AK5: variants seen among roughly 807,000 people sequenced by gnomAD.
AK5 encodes adenylate kinase isoenzyme 5.
Under a neutral mutation model 69.5 loss-of-function variants are expected in AK5, and 27 were observed. The ratio of observed to expected loss-of-function variants is 0.39; its 90% confidence interval spans 0.29 to 0.54. The LOEUF (loss-of-function observed/expected upper bound fraction) is 0.54, where lower values mean the gene tolerates loss of function less well. Ranked by LOEUF, AK5 falls within the 20% of genes least tolerant of loss-of-function variation. The pLI is 0.71. For synonymous variants in AK5, 260 were observed against 244.4 expected (o/e 1.06, Z -0.60); for missense variants, 531 against 700.4 (o/e 0.76, Z 2.73).
At chr1:77,462,214 A>G (rs892227468) in intron 8 of AK5, among the ~76,000 whole-genome samples, 1 of 152,252 alleles carries the variant, frequency 6.6e-6, no homozygotes, top group African/African-American at 2.4e-5. Context: ...CACACAAGAA[A>G]GTGATCAAGC....
chr1:77,489,951 A>G (rs184772051), intron 10 of AK5, among the ~76,000 whole-genome samples: 23 of 152,242 alleles, frequency 1.5e-4, no homozygotes, highest in Non-Finnish European at 2.6e-4. Context: ...TCATGCCCCA[A>G]GGTCAGGGTT....
intron 13 of AK5, among the ~76,000 whole-genome samples, chr1:77,537,331 A>T (rs781759141): frequency 6.6e-6 from 1 of 152,080 alleles, no homozygotes; most frequent in Non-Finnish European, 1.5e-5. Flanking sequence ...GAGGGTTAAG[A>T]GATGGAGATG....
chr1:77,380,744 C>T (rs1026836171), intron 6 of AK5, among the ~76,000 whole-genome samples: 5 of 152,078 alleles, frequency 3.3e-5, no homozygotes, highest in African/African-American at 9.7e-5. Context: ...AGATGTGTGC[C>T]GCAGAGACAA....
intron 5 of AK5, among the ~76,000 whole-genome samples, chr1:77,323,789 T>G (rs1660651680): frequency 6.6e-6 from 1 of 152,238 alleles, no homozygotes; most frequent in Admixed American, 6.5e-5. Context: ...TACATACACG[T>G]GTGTGTAGAT....
intron 13 of AK5, among the ~76,000 whole-genome samples, chr1:77,547,305 CACTCTGTCACCA>C (rs1659594570): frequency 8.0e-6 from 1 of 124,820 alleles, no homozygotes; most frequent in Non-Finnish European, 1.6e-5. Context: ...GACAGAGTCT[CACTCTGTCACCA>C]GGCTGGAGTG....
intron 10 of AK5, among the ~76,000 whole-genome samples, chr1:77,501,774 A>G (rs1318803619): frequency 6.6e-6 from 1 of 152,206 alleles, no homozygotes; most frequent in Non-Finnish European, 1.5e-5. Flanking sequence ...GCTCAGGTCA[A>G]ACAAAATTAG....
intron 10 of AK5, among the ~76,000 whole-genome samples, chr1:77,499,483 G>A (rs1392711601): frequency 1.3e-5 from 2 of 152,156 alleles, no homozygotes; most frequent in Non-Finnish European, 2.9e-5. Flanking sequence ...CATCACCACC[G>A]GCCCAGCGAC....
chr1:77,307,097 T>A (rs2100278555), intron 5 of AK5, among the ~76,000 whole-genome samples: 1 of 152,122 alleles, frequency 6.6e-6, no homozygotes, highest in South Asian at 2.1e-4. Flanking sequence ...TCAGTTTCAT[T>A]TATTTCTGCT....
In AK5 at chr1:77,523,596, T is replaced by C. The variant is rs190881167; in HGVS notation, c.1428+1653T>C. 2.2e-3 allele frequency among the ~76,000 whole-genome samples: 334 copies of C among 152,364 alleles called. 1 individual carries two copies. Among genetic ancestry groups the C allele is most frequent in the Admixed American group, 4.0e-3 (61 of 15,302 alleles). ...AGTTCAAGGATGTTAAGTACATTCA[T>C]ATTGTTATGAAACCATCACCACCAT... On this transcript the variant is annotated intron_variant, in intron 12 of 13. Coordinates refer to ENST00000354567, the MANE Select transcript of AK5 (RefSeq NM_174858.3).
chr1:77,293,719 A>T, intron 2 of AK5, 74 bp from the exon 3 acceptor site: 1 of 1,294,694 alleles, frequency 7.7e-7, no homozygotes, highest in Non-Finnish European at 1.1e-6. Context: ...AATTGCTTTT[A>T]CTAACTGTTT....
chr1:77,395,596 C>T (rs901976142), intron 6 of AK5, among the ~76,000 whole-genome samples: 2 of 152,152 alleles, frequency 1.3e-5, no homozygotes, highest in Admixed American at 1.3e-4. Flanking sequence ...TCTTCAGAGC[C>T]TGTGCTCACT....
At chr1:77,285,258 G>C (rs573730297) in intron 1 of AK5, among the ~76,000 whole-genome samples, 2 of 152,206 alleles carry the variant, frequency 1.3e-5, no homozygotes, top group African/African-American at 2.4e-5. Context: ...CTGGCTTGGC[G>C]TATGGGAAGA....
chr1:77,436,234 A>G (rs1651952512), intron 8 of AK5, among the ~76,000 whole-genome samples: 1 of 152,120 alleles, frequency 6.6e-6, no homozygotes, highest in South Asian at 2.1e-4. Flanking sequence ...TAAATTAGAC[A>G]AATTTTTCTT....
At chr1:77,440,727 T>C (rs1178401390) in intron 8 of AK5, among the ~76,000 whole-genome samples, 3 of 152,038 alleles carry the variant, frequency 2.0e-5, no homozygotes, top group East Asian at 1.9e-4. Flanking sequence ...ATGGCCTATA[T>C]TCAAGTTCAG....
In AK5 at chr1:77,351,189, T is replaced by G. The variant is rs539290075; in HGVS notation, c.891+10621T>G. The stretch of plus-strand genomic sequence containing the variant: ...TGGGTGGATTGCTTGAGGCCAGGAA[T>G]TGAAGACCAGCCTGGGCAACATGGC... On this transcript the variant is annotated intron_variant, in intron 6 of 13. Coordinates refer to ENST00000354567, the MANE Select transcript of AK5 (RefSeq NM_174858.3). Among the ~76,000 whole-genome samples, 8 of 152,230 alleles carry G rather than the reference T, an allele frequency of 5.3e-5. No homozygotes were observed. The South Asian group carries it at 1.7e-3, about 32-fold the overall frequency.
At chr1:77,518,377 G>C (rs1052805557) in intron 10 of AK5, among the ~76,000 whole-genome samples, 187 bp from the exon 11 acceptor site, 1 of 152,184 alleles carries the variant, frequency 6.6e-6, no homozygotes, top group Non-Finnish European at 1.5e-5. Context: ...GCTCTTTAAA[G>C]GCAAGGGCTG....
intron 5 of AK5, among the ~76,000 whole-genome samples, chr1:77,305,260 T>G (rs1659574090): frequency 6.6e-6 from 1 of 152,134 alleles, no homozygotes; most frequent in East Asian, 1.9e-4. Context: ...TGCAAATTTT[T>G]TTTGCAACCC....
At chr1:77,441,820 C>T (rs1570134097) in intron 8 of AK5, among the ~76,000 whole-genome samples, 1 of 152,208 alleles carries the variant, frequency 6.6e-6, no homozygotes, top group East Asian at 1.9e-4. Flanking sequence ...GAGTTCTGTG[C>T]TCAAGATCTC....
intron 8 of AK5, among the ~76,000 whole-genome samples, chr1:77,441,319 T>A (rs1233584834): frequency 1.3e-5 from 2 of 152,182 alleles, no homozygotes; most frequent in Non-Finnish European, 2.9e-5. Context: ...TGGGGTCTCT[T>A]ACTAGAGAGT....
Sources: gnomAD v4.1 joint callset for allele counts (sites outside exome capture counted in the v4.1 genomes callset) on GRCh38, gnomAD v4.1.1 for gene constraint, MANE v1.5 for transcripts, NCBI Gene and HGNC (gene_info 2026-07-23, HGNC 2026-07-21) for gene names.